CPNE4: variants seen among roughly 807,000 people sequenced by gnomAD.
CPNE4 encodes copine-4.
Under a neutral mutation model 67.9 loss-of-function variants are expected in CPNE4, and 25 were observed. The ratio of observed to expected loss-of-function variants is 0.37; its 90% CI spans 0.27 to 0.51. The LOEUF is 0.51. Ranked by LOEUF, CPNE4 falls within the 20% of genes least tolerant of loss-of-function variation. The probability of loss-of-function intolerance (pLI) is 0.93; values close to 1 mark genes in which losing one functional copy is unlikely to be tolerated. For synonymous variants in CPNE4, 242 were observed against 244.9 expected, an observed-to-expected ratio of 0.99 and a Z score of 0.11; for missense variants, 464 against 690.8, an observed-to-expected ratio of 0.67 and a Z score of 3.68.
chr3:131,587,836 G>C (rs1938286307), intron 7 of CPNE4, among the ~76,000 whole-genome samples: 1 of 152,210 alleles, frequency 6.6e-6, no homozygotes, highest in Non-Finnish European at 1.5e-5. Context: ...GATAAGGCCA[G>C]TAAGACCCAA....
At chr3:131,852,146 G>A (rs139327482) in intron 2 of CPNE4, among the ~76,000 whole-genome samples, 1 of 152,132 alleles carries the variant, frequency 6.6e-6, no homozygotes, top group African/African-American at 2.4e-5. Flanking sequence ...TATTTTCTAT[G>A]TACTTACAGA....
At chr3:131,864,754 G>A (rs143032746) in intron 2 of CPNE4, among the ~76,000 whole-genome samples, 4,809 of 152,078 alleles carry the variant, frequency 0.032, 253 homozygotes, top group African/African-American at 0.11. Flanking sequence ...TTGAATAGGA[G>A]TGGTGAGAGG....
At chr3:131,991,701 A>G (rs141173456) in intron 1 of CPNE4, among the ~76,000 whole-genome samples, 1 of 135,588 alleles carries the variant, frequency 7.4e-6, no homozygotes, top group African/African-American at 2.5e-5. Flanking sequence ...GAAAATGGGG[A>G]AAATGTCTCC....
chr3:131,637,457 A>G (rs2107788836), intron 7 of CPNE4, among the ~76,000 whole-genome samples: 1 of 152,324 alleles, frequency 6.6e-6, no homozygotes, highest in East Asian at 1.9e-4. Flanking sequence ...GAGCTCAAAC[A>G]CAAGACTTTC....
intron 7 of CPNE4, among the ~76,000 whole-genome samples, chr3:131,636,870 T>C (rs778854247): frequency 6.6e-6 from 1 of 152,190 alleles, no homozygotes; most frequent in Non-Finnish European, 1.5e-5. Context: ...CAGGGCTCTT[T>C]GCAGACAGTT....
chr3:131,908,535 T>C (rs1225002), intron 1 of CPNE4, among the ~76,000 whole-genome samples: 149,691 of 152,252 alleles, frequency 0.98, 73,656 homozygotes, highest in Middle Eastern at 1. Flanking sequence ...CTTCTGCAGC[T>C]TTCACTGGCC....
chr3:131,954,552 T>C (rs1271446988), intron 1 of CPNE4, among the ~76,000 whole-genome samples: 1 of 152,242 alleles, frequency 6.6e-6, no homozygotes, highest in Non-Finnish European at 1.5e-5. Context: ...AACGTGCAGG[T>C]ATATTACATA....
intron 3 of CPNE4, among the ~76,000 whole-genome samples, chr3:131,702,429 A>C (rs185445036): frequency 6.6e-6 from 1 of 152,322 alleles, no homozygotes; most frequent in East Asian, 1.9e-4. Context: ...GGAAGTGGGG[A>C]AGACACATGA....
intron 1 of CPNE4, among the ~76,000 whole-genome samples, chr3:131,964,782 C>G (rs2072294418): frequency 6.6e-6 from 1 of 151,988 alleles, no homozygotes; most frequent in South Asian, 2.1e-4. Flanking sequence ...AGAATGGAAC[C>G]AAGTCGGAAA....
chr3:131,922,242 G>A (rs2070759739), intron 1 of CPNE4, among the ~76,000 whole-genome samples: 1 of 152,146 alleles, frequency 6.6e-6, no homozygotes, highest in Non-Finnish European at 1.5e-5. Flanking sequence ...TTGCTACAAA[G>A]GATATGATTT....
At chr3:131,897,546 C>G (rs2088384822) in intron 2 of CPNE4, among the ~76,000 whole-genome samples, 1 of 151,948 alleles carries the variant, frequency 6.6e-6, no homozygotes, top group Non-Finnish European at 1.5e-5. Context: ...TTACTTAACA[C>G]CTCTGTGCCT....
intron 2 of CPNE4, among the ~76,000 whole-genome samples, chr3:131,813,471 TTA>T (rs2084614786): frequency 6.7e-6 from 1 of 148,758 alleles, no homozygotes; most frequent in Non-Finnish European, 1.5e-5. Flanking sequence ...TATATTTTAT[TTA>T]TATGTATTTA....
At chr3:131,827,202 C>T (rs947050212) in intron 2 of CPNE4, among the ~76,000 whole-genome samples, 2 of 152,178 alleles carry the variant, frequency 1.3e-5, no homozygotes, top group Admixed American at 1.3e-4. Context: ...ACCAAAGACA[C>T]CAAATAATCT....
Position 131,559,843 on chromosome 3 carries a change from T to C in CPNE4, c.1062-4292A>G, listed in dbSNP as rs546469695. Among the ~76,000 whole-genome samples the C allele has an allele frequency of 2.6e-5, 4 of 152,180 alleles. No homozygotes were observed. The South Asian group carries it at 8.3e-4, about 32-fold the overall frequency. On this transcript the variant is annotated intron_variant, in intron 11 of 15. Coordinates refer to ENST00000429747, the MANE Select transcript of CPNE4 (RefSeq NM_130808.3). The stretch of plus-strand genomic sequence containing the variant: ...AATAGTTACGGCATTTAGATTCCAC[T>C]TGACTCAGTCACAAGAGTTATGTAA...
intron 5 of CPNE4, among the ~76,000 whole-genome samples, chr3:131,691,464 C>T (rs977290326): frequency 6.6e-6 from 1 of 152,158 alleles, no homozygotes; most frequent in African/African-American, 2.4e-5. Context: ...TCAAATACCA[C>T]ATGTTCTCAC....
chr3:131,716,355 A>G (rs1262342270), intron 3 of CPNE4, among the ~76,000 whole-genome samples: 2 of 152,060 alleles, frequency 1.3e-5, no homozygotes, highest in Non-Finnish European at 2.9e-5. Context: ...TTAAGGCCCA[A>G]ATTAAAATAA....
intron 2 of CPNE4, among the ~76,000 whole-genome samples, chr3:131,861,576 G>T (rs934821543): frequency 2.0e-5 from 3 of 151,866 alleles, no homozygotes; most frequent in South Asian, 2.1e-4. Context: ...GATTACAGGC[G>T]CCTGCCACCA....
chr3:131,773,556 C>T (rs137871621), intron 2 of CPNE4, among the ~76,000 whole-genome samples: 190 of 152,116 alleles, frequency 1.2e-3, no homozygotes, highest in African/African-American at 4.1e-3. Context: ...CCATGTTGGT[C>T]AGGCTGGTCT....
At chr3:131,900,643 T>A (rs534454068) in intron 2 of CPNE4, among the ~76,000 whole-genome samples, 5 of 152,124 alleles carry the variant, frequency 3.3e-5, no homozygotes, top group Non-Finnish European at 7.4e-5. Flanking sequence ...GCCATAGTGC[T>A]CAATACATGC....
Sources: gnomAD v4.1 joint callset for allele counts (sites outside exome capture counted in the v4.1 genomes callset) on GRCh38, gnomAD v4.1.1 for gene constraint, MANE v1.5 for transcripts, NCBI Gene and HGNC (gene_info 2026-07-23, HGNC 2026-07-21) for gene names.